The following KCNH1 variants were observed in gnomAD, a reference collection of about 807,000 sequenced individuals.
The protein encoded by KCNH1 is voltage-gated delayed rectifier potassium channel KCNH1.
In KCNH1, 27 loss-of-function variants were observed where a neutral mutation model predicts 69.2. The ratio of observed to expected loss-of-function variants is 0.39; its 90% CI spans 0.29 to 0.54. The LOEUF (loss-of-function observed/expected upper bound fraction) is 0.54, where lower values mean the gene tolerates loss of function less well. Among genes scored for constraint, KCNH1 ranks in the 20% least tolerant of loss-of-function variants. KCNH1 has a pLI of 0.68. For missense variants in KCNH1, 798 were observed against 1,261.6 expected (o/e 0.63, Z 5.57); for synonymous variants, 456 against 487.7 (o/e 0.93, Z 0.86).
At chr1:210,763,687 C>G (rs1313313548) in intron 10 of KCNH1, among the ~76,000 whole-genome samples, 1 of 152,038 alleles carries the variant, frequency 6.6e-6, no homozygotes, top group Non-Finnish European at 1.5e-5. Flanking sequence ...CCTGGAAGAA[C>G]TATTAAGCAC....
chr1:211,007,987 A>C (rs978373969), intron 6 of KCNH1, among the ~76,000 whole-genome samples: 5 of 152,230 alleles, frequency 3.3e-5, no homozygotes, highest in Non-Finnish European at 7.3e-5. Flanking sequence ...GCAAAACAGT[A>C]TAGTAGTTCC....
chr1:210,887,626 C>T (rs192936021), intron 7 of KCNH1, among the ~76,000 whole-genome samples: 6 of 147,792 alleles, frequency 4.1e-5, no homozygotes, highest in South Asian at 4.4e-4. Context: ...CAAGACCCAT[C>T]GGTGTGCTGT....
chr1:211,106,508 G>A (rs1474805575), intron 2 of KCNH1, among the ~76,000 whole-genome samples: 1 of 152,170 alleles, frequency 6.6e-6, no homozygotes, highest in East Asian at 1.9e-4. Flanking sequence ...GCTGAGGCCA[G>A]GCATGGTGGC....
At position 210,983,956 on chromosome 1, in the gene KCNH1, G is replaced by A. The variant is rs556404177; in HGVS notation, c.1032+34827C>T. Among the ~76,000 whole-genome samples, 45 of 152,220 alleles carry A rather than the reference G, an allele frequency of 3.0e-4. No homozygotes were observed. The South Asian group carries it at 9.1e-3, about 31-fold the overall frequency. On this transcript the variant is annotated intron_variant, in intron 6 of 10. Coordinates refer to ENST00000271751, the MANE Select transcript of KCNH1 (RefSeq NM_172362.3). ...ATCCTCTTTTATTGCATTGAGCAGT[G>A]GTTTGTAATTGTCCTTGAAGGGGTC...
intron 3 of KCNH1, among the ~76,000 whole-genome samples, chr1:211,091,397 C>G (rs906447823): frequency 2.0e-5 from 3 of 152,030 alleles, no homozygotes; most frequent in African/African-American, 7.2e-5. Flanking sequence ...GAACTCTCAA[C>G]CTCCAGTGAT....
chr1:210,683,085 T>C lies in KCNH1; in HGVS notation c.*196A>G, dbSNP rs535968490. On this transcript the variant is annotated 3_prime_UTR_variant, in exon 11 of 11. Coordinates refer to ENST00000271751, the MANE Select transcript of KCNH1 (RefSeq NM_172362.3). The surrounding 1 kb of genome is among the most constrained non-coding windows in gnomAD (Gnocchi z 5.7). The stretch of plus-strand genomic sequence containing the variant: ...GACGGTTCAGATGCAGCTGCCACCT[T>C]GCAGGGTAGGGGCACGCTACCCTTC... The C allele has an allele frequency of 1.5e-6, 1 of 645,278 alleles. No homozygotes were observed. The highest frequency in any genetic ancestry group is 2.6e-5 in the East Asian group (1 of 39,006). The allele number at this position is 645,278 out of a possible 1,614,324, so 40.0% of individuals were successfully genotyped here.
intron 7 of KCNH1, among the ~76,000 whole-genome samples, chr1:210,887,346 G>A (rs1686635780): frequency 6.6e-6 from 1 of 152,144 alleles, no homozygotes; most frequent in African/African-American, 2.4e-5. Flanking sequence ...AGCAAATGCT[G>A]AGAGATTTTG....
In KCNH1 at chr1:210,935,064, G is replaced by T. The variant is rs187184069; in HGVS notation, c.1033-14995C>A. Among the ~76,000 whole-genome samples the T allele has an allele frequency of 2.7e-5, 4 of 148,372 alleles. No individual in the cohort carries two copies. The East Asian group carries it at 8.3e-4, about 31-fold the overall frequency. On this transcript the variant is annotated intron_variant, in intron 6 of 10. Coordinates refer to ENST00000271751, the MANE Select transcript of KCNH1 (RefSeq NM_172362.3). The stretch of plus-strand genomic sequence containing the variant: ...GTTTACTATAGCACTGTTCACAATA[G>T]CTAAGATATGGAATTTACCTTAGTG...
At chr1:210,941,722 C>T (rs904658798) in intron 6 of KCNH1, among the ~76,000 whole-genome samples, 4 of 152,146 alleles carry the variant, frequency 2.6e-5, no homozygotes, top group African/African-American at 9.7e-5. Flanking sequence ...CCCATGATGT[C>T]TCTCAGTGTG....
At chr1:211,061,257 T>C (rs1443231538) in intron 5 of KCNH1, among the ~76,000 whole-genome samples, 2 of 152,118 alleles carry the variant, frequency 1.3e-5, no homozygotes, top group Non-Finnish European at 2.9e-5. Context: ...AAATTCAATA[T>C]GCCTCATGAT....
intron 1 of KCNH1, among the ~76,000 whole-genome samples, chr1:211,119,196 TAA>T (rs533543843): frequency 2.0e-3 from 299 of 152,146 alleles, no homozygotes; most frequent in African/African-American, 7.0e-3. Flanking sequence ...CCATCTCTAC[TAA>T]AAATACAAAA....
chr1:210,697,933 C>T (rs1209978564), intron 10 of KCNH1, among the ~76,000 whole-genome samples: 2 of 152,230 alleles, frequency 1.3e-5, no homozygotes, highest in Non-Finnish European at 2.9e-5. Flanking sequence ...ACTTGTGGTG[C>T]ATATCAAGCA....
chr1:211,023,625 T>G (rs1689630236), intron 5 of KCNH1, among the ~76,000 whole-genome samples: 1 of 150,592 alleles, frequency 6.6e-6, no homozygotes, highest in Non-Finnish European at 1.5e-5. Flanking sequence ...AAGTAGAGAG[T>G]AGAATAGTGG....
At chr1:210,944,742 T>C in intron 6 of KCNH1, among the ~76,000 whole-genome samples, 1 of 152,232 alleles carries the variant, frequency 6.6e-6, no homozygotes, top group East Asian at 1.9e-4. Flanking sequence ...CTGTATTTTT[T>C]TATTGCAGTA....
chr1:210,877,250 G>A (rs1574312290), intron 7 of KCNH1, among the ~76,000 whole-genome samples: 1 of 152,102 alleles, frequency 6.6e-6, no homozygotes, highest in African/African-American at 2.4e-5. Flanking sequence ...GAGAGGAATA[G>A]AGCAGGGACG....
At chr1:211,032,365 C>G (rs1689804241) in intron 5 of KCNH1, among the ~76,000 whole-genome samples, 1 of 152,092 alleles carries the variant, frequency 6.6e-6, no homozygotes, top group South Asian at 2.1e-4. Flanking sequence ...CAATGCCATC[C>G]CCATCAAGCT....
In KCNH1 at chr1:210,681,228, G is replaced by C. The variant is rs1390486138; in HGVS notation, c.*2053C>G. The C allele has an allele frequency of 1.3e-5, 2 of 152,206 alleles. No individual in the cohort carries two copies. Among genetic ancestry groups the C allele is most frequent in the Non-Finnish European group, 2.9e-5 (2 of 68,050 alleles). 9.4% of individuals were successfully genotyped at this position (152,206 alleles called of 1,614,324 possible). On this transcript the variant is annotated 3_prime_UTR_variant, in exon 11 of 11. Transcript: ENST00000271751. ...CAGATGGGATTCCAGATATTTTACG[G>C]CCTCTTACCCAAGGACTGGTTGGCA...
At chr1:210,775,569 G>T in intron 9 of KCNH1, 25 bp from the exon 10 acceptor site, 3 of 1,597,380 alleles carry the variant, frequency 1.9e-6, no homozygotes, top group Non-Finnish European at 2.6e-6. Flanking sequence ...TTGTCATGAG[G>T]AAAGTGTTGG....
chr1:210,968,026 C>T (rs1313669681), intron 6 of KCNH1, among the ~76,000 whole-genome samples: 1 of 151,898 alleles, frequency 6.6e-6, no homozygotes, highest in Non-Finnish European at 1.5e-5. Context: ...CCTCCCACCA[C>T]CCCACAACAG....
Sources: gnomAD v4.1 joint callset for allele counts (sites outside exome capture counted in the v4.1 genomes callset) on GRCh38, gnomAD v4.1.1 for gene constraint, Gnocchi (gnomAD v3.1) non-coding constraint, MANE v1.5 for transcripts, NCBI Gene and HGNC (gene_info 2026-07-23, HGNC 2026-07-21) for gene names.